The following PRR27 variants were observed in gnomAD, a reference collection of about 807,000 sequenced individuals.
The protein encoded by PRR27 is proline rich 27.
A neutral mutation model predicts 16.8 loss-of-function variants in PRR27; 12 were observed. That is an observed-to-expected ratio of 0.71 (90% CI 0.46 to 1.16). The LOEUF (loss-of-function observed/expected upper bound fraction) is 1.16, where lower values mean the gene tolerates loss of function less well. Ranked by LOEUF, PRR27 falls within the 50% of genes most tolerant of loss-of-function variation. PRR27 has a pLI of 0.00. For synonymous variants in PRR27, 100 were observed against 98.4 expected (o/e 1.02, Z -0.10); for missense variants, 277 against 273.3 (o/e 1.01, Z -0.10).
rs13110157 is a variant in PRR27, at chr4:70,163,041, C to T, written c.*380C>T. 0.43 allele frequency: 65,788 copies of T among 151,976 alleles called. 16,079 individuals carry two copies. The highest frequency in any genetic ancestry group is 0.57 in the Non-Finnish European group (38,585 of 67,952). 9.4% of individuals were successfully genotyped at this position (151,976 alleles called of 1,614,324 possible). On this transcript the variant is annotated 3_prime_UTR_variant, in exon 5 of 5. Coordinates refer to ENST00000344526, the MANE Select transcript of PRR27 (RefSeq NM_214711.4). ...ACAAACATATTTTGTAGTCAATGAA[C>T]TTTTTGTCACAAAACAGTAAAACAT... is the stretch of plus-strand genomic sequence containing the variant.
chr4:70,161,179 T>TAC lies in PRR27; in HGVS notation c.649-401_649-400dup, dbSNP rs1553902907. On this transcript the variant is annotated intron_variant, in intron 3 of 4. Transcript: ENST00000344526. The stretch of plus-strand genomic sequence containing the variant: ...CTGTATATATATATATATATATATA[T>TAC]ACACACATACATATATATACACGTA... 7.7e-3 allele frequency among the ~76,000 whole-genome samples: 826 copies of TAC among 107,678 alleles called. 20 individuals carry two copies. Among genetic ancestry groups the TAC allele is most frequent in the African/African-American group, 0.027 (775 of 29,000 alleles). 70.6% of individuals were successfully genotyped at this position (107,678 alleles called of 152,430 possible). A position where few individuals can be genotyped will look rare whatever the true frequency, so the allele number is the denominator to read the frequency against.
rs1300291605 is a variant in PRR27 at position 70,154,802 on chromosome 4, A to C, written c.51+376A>C. The C allele has an allele frequency of 6.2e-6, 8 of 1,290,014 alleles. No homozygotes were observed. In the East Asian group the frequency reaches 4.3e-4, roughly 69 times the overall value. 79.9% of individuals were successfully genotyped at this position (1,290,014 alleles called of 1,614,324 possible). A position where few individuals can be genotyped will look rare whatever the true frequency, so the allele number is the denominator to read the frequency against. ...GTGCCATTGCTGGAGGTATTTATGTACAGACATTAGGGATACTTGATGGAA... is the reference window on the plus strand; with the variant it reads ...GTGCCATTGCTGGAGGTATTTATGTCCAGACATTAGGGATACTTGATGGAA... On this transcript the variant is annotated intron_variant, in intron 1 of 4. Transcript: ENST00000344526.
chr4:70,155,370 G>GTTTT (rs113912464), intron 1 of PRR27, among the ~76,000 whole-genome samples: 20 of 143,392 alleles, frequency 1.4e-4, no homozygotes, highest in African/African-American at 5.1e-4. Flanking sequence ...TATGTTTGTG[G>GTTTT]TTTTTTTTTT....
Position 70,154,366 on chromosome 4 carries a change from G to T in PRR27, c.-10G>T, listed in dbSNP as rs1728428931. On this transcript the variant is annotated 5_prime_UTR_variant, in exon 1 of 5. Coordinates refer to ENST00000344526, the MANE Select transcript of PRR27 (RefSeq NM_214711.4). ...AATTTATAGTGTTAATATTCATAGG[G>T]TCAATCAAAATGAAGCTTCTCCTTT... 1 of 1,604,208 alleles carries T rather than the reference G, an allele frequency of 6.2e-7. No homozygotes were observed. The highest frequency in any genetic ancestry group is 1.1e-5 in the South Asian group (1 of 90,820).
Position 70,158,525 on chromosome 4 carries a change from T to C in PRR27, c.273T>C (p.Arg91=), listed in dbSNP as rs1318401005. ...GATTCCCCTATGTCTATCACATCCG[T>C]GGTTTTCCCTTAGCTACTCAGTTGA... ...SPGFPYVYHI[R]GFPLATQLNV... is the part of the protein sequence containing the mutation. The change falls in exon 3 of 5, where the codon CGT becomes CGC. Residue 91 remains arginine, a synonymous_variant. Transcript: ENST00000344526. 2 of 1,614,034 alleles carry C rather than the reference T, an allele frequency of 1.2e-6. No individual in the cohort carries two copies. The highest frequency in any genetic ancestry group is 2.7e-5 in the African/African-American group (2 of 74,902).
intron 4 of PRR27, among the ~76,000 whole-genome samples, chr4:70,162,062 C>T (rs577977242): frequency 6.6e-6 from 1 of 152,248 alleles, no homozygotes; most frequent in Admixed American, 6.5e-5. Flanking sequence ...CAATTTAGAC[C>T]TGAAGTCTCC....
chr4:70,158,266 C>T, intron 2 of PRR27, 62 bp from the exon 3 acceptor site: 7 of 1,005,898 alleles, frequency 7.0e-6, no homozygotes, highest in South Asian at 1.5e-5. Flanking sequence ...CACAGTTGTA[C>T]CATAAGTAAT....
At chr4:70,155,370 G>T (rs1444854034) in intron 1 of PRR27, among the ~76,000 whole-genome samples, 14 of 143,392 alleles carry the variant, frequency 9.8e-5, no homozygotes, top group South Asian at 2.2e-4. Context: ...TATGTTTGTG[G>T]TTTTTTTTTT....
chr4:70,157,734 C>T (rs946959822), intron 2 of PRR27, among the ~76,000 whole-genome samples: 18 of 152,100 alleles, frequency 1.2e-4, no homozygotes, highest in African/African-American at 1.9e-4. Context: ...TTGGCCAGGA[C>T]GGTCTCGATC....
chr4:70,155,526 G>A (rs1728455606), intron 1 of PRR27, among the ~76,000 whole-genome samples: 1 of 152,006 alleles, frequency 6.6e-6, no homozygotes, highest in South Asian at 2.1e-4. Flanking sequence ...CCGCCACCAC[G>A]CCCGGCTAAT....
At chr4:70,162,647 C>T (rs190955817) in intron 4 of PRR27, 48 bp from the exon 5 acceptor site, 3 of 152,090 alleles carry the variant, frequency 2.0e-5, no homozygotes, top group Non-Finnish European at 2.9e-5. Flanking sequence ...AAGTGTGAGT[C>T]ATTTGGTCAT....
intron 1 of PRR27, among the ~76,000 whole-genome samples, chr4:70,155,483 C>T (rs1728454520): frequency 6.6e-6 from 1 of 151,938 alleles, no homozygotes; most frequent in African/African-American, 2.4e-5. Flanking sequence ...TCCTGCCTCA[C>T]TCAGCCTACC....
intron 2 of PRR27, among the ~76,000 whole-genome samples, chr4:70,156,644 G>C (rs557324681): frequency 6.6e-6 from 1 of 152,172 alleles, no homozygotes; most frequent in African/African-American, 2.4e-5. Flanking sequence ...TCAGTTCCTT[G>C]CTACTTGTGC....
At chr4:70,161,131 C>T (rs1728635682) in intron 3 of PRR27, among the ~76,000 whole-genome samples, 1 of 125,938 alleles carries the variant, frequency 7.9e-6, no homozygotes, top group Non-Finnish European at 1.6e-5. Context: ...AAGCACTTTC[C>T]ATCTGCTGGG....
intron 1 of PRR27, chr4:70,154,831 A>T: frequency 8.7e-7 from 1 of 1,148,140 alleles, no homozygotes; most frequent in Non-Finnish European, 1.2e-6. Flanking sequence ...GATGGAATAG[A>T]AGTAAATGCA....
chr4:70,159,415 C>G lies in PRR27; in HGVS notation c.648+515C>G, dbSNP rs367752690. 4.3e-4 allele frequency among the ~76,000 whole-genome samples: 65 copies of G among 152,298 alleles called. 2 individuals carry two copies. In the South Asian group the frequency reaches 0.012, roughly 27 times the overall value. On this transcript the variant is annotated intron_variant, in intron 3 of 4. Transcript: ENST00000344526. ...TGTTGAACAGATTTTAGCTTCCAAA[C>G]TGGATGCATTTATTTACTTATTGCA...
intron 3 of PRR27, 149 bp downstream of exon 3, chr4:70,159,049 CATATTGAAAGTGTATACTTAGAT>C (rs1728571954): frequency 1.4e-6 from 1 of 718,226 alleles, no homozygotes; most frequent in Non-Finnish European, 2.3e-6. Flanking sequence ...ACAAACTACA[CATATTGAAAGTGTATACTTAGAT>C]ATGTTTTGAC....
In PRR27 at chr4:70,158,600, G is replaced by T. The variant is rs148239542; in HGVS notation, c.348G>T (p.Arg116Ser). Reference protein sequence around the residue: ...PRGFPFVPPSRFFSAAAAPAA... With the variant: ...PRGFPFVPPSSFFSAAAAPAA... ...GTTTCCCGTTTGTCCCTCCTTCAAGGTTTTTTTCAGCAGCTGCAGCACCCG... is the reference window on the plus strand; with the variant it reads ...GTTTCCCGTTTGTCCCTCCTTCAAGTTTTTTTTCAGCAGCTGCAGCACCCG... The change falls in exon 3 of 5, where the codon AGG becomes AGT. Residue 116 changes from arginine (R) to serine (S), a missense_variant. By Grantham distance (110) the Arg-to-Ser change is moderately radical. Coordinates refer to ENST00000344526, the MANE Select transcript of PRR27 (RefSeq NM_214711.4). 359 of 1,613,976 alleles carry T rather than the reference G, an allele frequency of 2.2e-4. No homozygotes were observed. The highest frequency in any genetic ancestry group is 2.7e-4 in the Non-Finnish European group (324 of 1,179,972).
chr4:70,161,085 C>T (rs574339234), intron 3 of PRR27, among the ~76,000 whole-genome samples: 1 of 149,232 alleles, frequency 6.7e-6, no homozygotes, highest in African/African-American at 2.5e-5. Context: ...TCCAATGCTT[C>T]ACACATTAAA....
Sources: gnomAD v4.1 joint callset for allele counts (sites outside exome capture counted in the v4.1 genomes callset) on GRCh38, gnomAD v4.1.1 for gene constraint, MANE v1.5 for transcripts, NCBI Gene and HGNC (gene_info 2026-07-23, HGNC 2026-07-21) for gene names.